Variants in RBFOX1 observed in about 807,000 individuals in gnomAD.
RBFOX1 encodes the protein RNA binding fox-1 homolog 1.
Under a neutral mutation model 57.7 loss-of-function variants are expected in RBFOX1, and 8 were observed. The observed-to-expected ratio is 0.14, with a 90% CI of 0.08 to 0.25. The LOEUF is 0.25. Among genes scored for constraint, RBFOX1 ranks in the 10% least tolerant of loss-of-function variants. RBFOX1 has a pLI of 1.00. For missense variants in RBFOX1, 611 were observed against 548.5 expected, an observed-to-expected ratio of 1.11 and a Z score of -1.14; for synonymous variants, 326 against 222.4, an observed-to-expected ratio of 1.47 and a Z score of -4.15.
At chr16:6,102,566 C>G (rs1433905502) in intron 1 of RBFOX1, among the ~76,000 whole-genome samples, 2 of 152,116 alleles carry the variant, frequency 1.3e-5, no homozygotes, top group Non-Finnish European at 2.9e-5. Flanking sequence ...TCTCTCTCCA[C>G]CCTCCCACCC....
At chr16:6,204,854 G>C (rs1015728888) in intron 1 of RBFOX1, among the ~76,000 whole-genome samples, 1 of 151,982 alleles carries the variant, frequency 6.6e-6, no homozygotes, top group East Asian at 1.9e-4. Context: ...CTGCAAAAAG[G>C]GCATTCCAAA....
chr16:5,965,318 T>A (rs2059822128), intron 4 of RBFOX1, among the ~76,000 whole-genome samples: 1 of 152,234 alleles, frequency 6.6e-6, no homozygotes, highest in Non-Finnish European at 1.5e-5. Flanking sequence ...CAAGCAAACG[T>A]AGCTGTGTGA....
intron 3 of RBFOX1, among the ~76,000 whole-genome samples, chr16:6,962,081 G>T (rs969204307): frequency 1.3e-5 from 2 of 152,164 alleles, no homozygotes; most frequent in Non-Finnish European, 2.9e-5. Context: ...TCATGATTCT[G>T]AAGGTCAGAA....
intron 1 of RBFOX1, among the ~76,000 whole-genome samples, chr16:5,359,777 A>G (rs76407357): frequency 1.3e-5 from 2 of 152,166 alleles, no homozygotes; most frequent in African/African-American, 2.4e-5. Flanking sequence ...GTTGCCTTTC[A>G]TATGAATTTT....
chr16:6,696,730 C>G (rs1232445151), intron 3 of RBFOX1, among the ~76,000 whole-genome samples: 3 of 151,910 alleles, frequency 2.0e-5, no homozygotes, highest in African/African-American at 4.8e-5. Context: ...GCTTGTTTAA[C>G]TTACAAAACC....
At chr16:5,458,066 A>G (rs1024967045) in intron 1 of RBFOX1, among the ~76,000 whole-genome samples, 2 of 152,212 alleles carry the variant, frequency 1.3e-5, no homozygotes, top group African/African-American at 4.8e-5. Context: ...TAAGAACAGA[A>G]TAGGAGATCA....
chr16:7,112,888 C>G (rs1358331152), intron 4 of RBFOX1, among the ~76,000 whole-genome samples: 1 of 152,038 alleles, frequency 6.6e-6, no homozygotes, highest in Non-Finnish European at 1.5e-5. Context: ...GGCTATAATG[C>G]TACTTACCTA....
chr16:6,101,356 C>T (rs2096305515), intron 1 of RBFOX1, among the ~76,000 whole-genome samples: 1 of 152,194 alleles, frequency 6.6e-6, no homozygotes. Flanking sequence ...ACACGATGTC[C>T]TCATACTGAA....
At chr16:5,424,623 C>CA (rs1005639361) in intron 1 of RBFOX1, among the ~76,000 whole-genome samples, 1 of 151,644 alleles carries the variant, frequency 6.6e-6, no homozygotes, top group African/African-American at 2.4e-5. Context: ...CACCATGGCA[C>CA]ACGTTTATGT....
intron 4 of RBFOX1, among the ~76,000 whole-genome samples, chr16:7,355,435 A>G (rs1012826832): frequency 1.1e-4 from 17 of 152,162 alleles, no homozygotes; most frequent in African/African-American, 3.4e-4. Flanking sequence ...CCCAGAGACA[A>G]TACCTGCTAA....
At chr16:6,850,659 T>C (rs994038598) in intron 3 of RBFOX1, among the ~76,000 whole-genome samples, 1 of 152,230 alleles carries the variant, frequency 6.6e-6, no homozygotes, top group Non-Finnish European at 1.5e-5. Context: ...TTCTACCTTC[T>C]TTCATTTTAA....
intron 4 of RBFOX1, among the ~76,000 whole-genome samples, chr16:7,353,377 C>T (rs1339494587): frequency 1.3e-5 from 2 of 152,144 alleles, no homozygotes; most frequent in Non-Finnish European, 2.9e-5. Flanking sequence ...ATGTAAAATT[C>T]CGCAGCTACT....
At chr16:6,055,320 C>T (rs980082988) in intron 1 of RBFOX1, among the ~76,000 whole-genome samples, 4 of 151,934 alleles carry the variant, frequency 2.6e-5, no homozygotes, top group African/African-American at 4.8e-5. Flanking sequence ...TTGCTGGGCG[C>T]GGTGGCTCAC....
At chr16:5,629,724 A>C (rs1017937981) in intron 3 of RBFOX1, among the ~76,000 whole-genome samples, 3 of 152,122 alleles carry the variant, frequency 2.0e-5, no homozygotes, top group African/African-American at 7.2e-5. Context: ...GTGTTTCTCC[A>C]ACTCTTGTAT....
intron 15 of RBFOX1, 40 bp downstream of exon 15, chr16:7,709,171 TC>T (rs752080903): frequency 6.5e-7 from 1 of 1,542,872 alleles, no homozygotes; most frequent in Non-Finnish European, 8.9e-7. Flanking sequence ...TCCTCCTGCC[TC>T]CCTTCCCTTT....
intron 1 of RBFOX1, among the ~76,000 whole-genome samples, chr16:5,345,416 C>T (rs1315655251): frequency 6.6e-6 from 1 of 152,190 alleles, no homozygotes; most frequent in African/African-American, 2.4e-5. Context: ...CTCGTGCATG[C>T]CCACCCATGC....
chr16:5,695,441 C>T (rs971454205), intron 3 of RBFOX1, among the ~76,000 whole-genome samples: 1 of 152,134 alleles, frequency 6.6e-6, no homozygotes, highest in South Asian at 2.1e-4. Context: ...TTTGTAGGTC[C>T]TAATTAAATA....
intron 2 of RBFOX1, among the ~76,000 whole-genome samples, chr16:6,653,889 G>A (rs144698199): frequency 6.6e-6 from 1 of 151,398 alleles, no homozygotes; most frequent in Admixed American, 6.6e-5. Context: ...TGGATGAATG[G>A]ATAAAAAGAT....
chr16:6,995,715 C>G (rs973678649), intron 3 of RBFOX1, among the ~76,000 whole-genome samples: 4 of 145,528 alleles, frequency 2.7e-5, no homozygotes, highest in Admixed American at 2.0e-4. Context: ...GAGCCAAGAT[C>G]ATGCCACCGC....
Sources: allele counts gnomAD v4.1 joint callset (sites outside exome capture counted in the v4.1 genomes callset), GRCh38; gene constraint gnomAD v4.1.1; transcripts MANE v1.5; gene names NCBI Gene and HGNC (gene_info 2026-07-23, HGNC 2026-07-21).